Variants in ZNF341 observed in about 807,000 individuals in gnomAD.
The protein encoded by ZNF341 is zinc finger protein 341.
Under a neutral mutation model 87.7 loss-of-function variants are expected in ZNF341, and 52 were observed. The observed-to-expected ratio is 0.59, with a 90% CI of 0.47 to 0.75. The LOEUF is 0.75. Among genes scored for constraint, ZNF341 ranks in the 30% least tolerant of loss-of-function variants. ZNF341 has a pLI of 0.00. For missense variants in ZNF341, 977 were observed against 1,145.9 expected (o/e 0.85, Z 2.13); for synonymous variants, 459 against 472.7 (o/e 0.97, Z 0.38).
chr20:33,767,025 A>G lies in ZNF341; in HGVS notation c.1397A>G (p.Gln466Arg). The G allele has an allele frequency of 6.2e-7, 1 of 1,613,474 alleles. No individual in the cohort carries two copies. The highest frequency in any genetic ancestry group is 8.5e-7 in the Non-Finnish European group (1 of 1,179,614). ...TTCCAGCTCAAGTCTCACATGACCC[A>G]GCATAAGAATGAGCAGGTAGGTGGA... ...TYFQLKSHMTQHKNEQVYKCV... is the reference protein window; with the variant it reads ...TYFQLKSHMTRHKNEQVYKCV... Residue 466 changes from glutamine to arginine, a missense_variant, in exon 9 of 15, where the codon CAG becomes CGG. Coordinates refer to ENST00000375200, the MANE Select transcript of ZNF341 (RefSeq NM_001282933.2).
chr20:33,748,838 G>A (rs1170869509), intron 3 of ZNF341, 85 bp from the exon 4 acceptor site: 13 of 1,375,746 alleles, frequency 9.4e-6, no homozygotes, highest in Non-Finnish European at 1.3e-5. Context: ...AGCCTGACAT[G>A]TCCACACATG....
chr20:33,765,884 T>G (rs974654977), intron 8 of ZNF341, among the ~76,000 whole-genome samples: 1 of 151,734 alleles, frequency 6.6e-6, no homozygotes, highest in East Asian at 2.0e-4. Flanking sequence ...TTACAATTTT[T>G]TTTGTTTGTT....
At chr20:33,752,250 G>A (rs1417829465) in intron 4 of ZNF341, 1 of 588,470 alleles carries the variant, frequency 1.7e-6, no homozygotes, top group Admixed American at 1.9e-5. Context: ...AGCTTATTTG[G>A]TGGATCTTCA....
chr20:33,784,960 C>T (rs138413415), intron 12 of ZNF341, among the ~76,000 whole-genome samples: 1 of 152,188 alleles, frequency 6.6e-6, no homozygotes. Context: ...GGGGACACTG[C>T]TCTCACTGTA....
chr20:33,771,171 G>A (rs1469843580), intron 10 of ZNF341, among the ~76,000 whole-genome samples: 1 of 152,048 alleles, frequency 6.6e-6, no homozygotes, highest in Admixed American at 6.6e-5. Context: ...TAAAAGCAAA[G>A]ATCATAAAAA....
At chr20:33,777,322 CAAAAAA>C (rs71192713) in intron 10 of ZNF341, among the ~76,000 whole-genome samples, 1 of 32,670 alleles carries the variant, frequency 3.1e-5, no homozygotes, top group South Asian at 1.3e-3. Context: ...GACCCTATCT[CAAAAAA>C]AAAAAAAAAA....
chr20:33,749,808 AGTGGT>A (rs1396976589), intron 4 of ZNF341, among the ~76,000 whole-genome samples: 1 of 150,672 alleles, frequency 6.6e-6, no homozygotes, highest in Non-Finnish European at 1.5e-5. Context: ...GCTGAAGTGC[AGTGGT>A]GCGATCTTGG....
chr20:33,763,180 T>G (rs762197171), intron 8 of ZNF341, among the ~76,000 whole-genome samples: 3 of 152,206 alleles, frequency 2.0e-5, no homozygotes, highest in African/African-American at 4.8e-5. Context: ...TTACATTCAT[T>G]TAAAAAATTT....
intron 4 of ZNF341, among the ~76,000 whole-genome samples, chr20:33,751,493 G>A (rs944591273): frequency 1.3e-5 from 2 of 152,162 alleles, no homozygotes; most frequent in Non-Finnish European, 2.9e-5. Context: ...CTGCAGCAGT[G>A]AAGTCTAGCA....
At chr20:33,769,855 G>A (rs1204667327) in intron 9 of ZNF341, among the ~76,000 whole-genome samples, 3 of 152,196 alleles carry the variant, frequency 2.0e-5, no homozygotes, top group Non-Finnish European at 4.4e-5. Context: ...AGGTTGCAGT[G>A]AGCCGAGATT....
chr20:33,769,354 G>A (rs1023870508), intron 9 of ZNF341, among the ~76,000 whole-genome samples: 14 of 146,446 alleles, frequency 9.6e-5, no homozygotes, highest in Non-Finnish European at 1.5e-4. Flanking sequence ...CAGGGCCAGG[G>A]AGGGGGTGAA....
chr20:33,753,733 A>G (rs2019110494), intron 5 of ZNF341, among the ~76,000 whole-genome samples: 1 of 152,238 alleles, frequency 6.6e-6, no homozygotes, highest in Non-Finnish European at 1.5e-5. Context: ...GGCAAAAAAA[A>G]GAAAAAAGAT....
In ZNF341 at chr20:33,748,958, GA is replaced by G; in HGVS notation, c.376del (p.Ile126SerfsTer11). On this transcript the variant is annotated frameshift_variant, in exon 4 of 15. Transcript: ENST00000375200. LOFTEE classifies it high-confidence loss of function. ...TYITVPPSPL[I>X]QTLVQGNILV... is the part of the protein sequence containing the mutation. ...ACATCACAGTGCCCCCGTCCCCACT[GA>G]TCCAGACCCTGGTGCAGGGGAACAT... 3.1e-6 allele frequency: 5 copies of G among 1,614,128 alleles called. No individual in the cohort carries two copies. Among genetic ancestry groups the G allele is most frequent in the Non-Finnish European group, 4.2e-6 (5 of 1,180,012 alleles).
intron 12 of ZNF341, among the ~76,000 whole-genome samples, chr20:33,786,913 A>G (rs2019876838): frequency 6.6e-6 from 1 of 150,956 alleles, no homozygotes; most frequent in African/African-American, 2.4e-5. Flanking sequence ...GGTTGCAGTG[A>G]GCCAAGATCA....
rs2020020439 is a variant in ZNF341 at position 33,791,255 on chromosome 20, C to T, written c.2303C>T (p.Pro768Leu). ...GGGCGCAAGGTGCTGACCCCCTTGC[C>T]TGACCCGCTGGGGCTGGAGGAGCTG... is the stretch of plus-strand genomic sequence containing the variant. ...SGGRKVLTPLPDPLGLEELKD... is the reference protein window; with the variant it reads ...SGGRKVLTPLLDPLGLEELKD... The change falls in exon 15 of 15, where the codon CCT becomes CTT. Residue 768 changes from proline (P) to leucine (L), a missense_variant. By Grantham distance (98) the Pro-to-Leu change is moderately conservative (BLOSUM62 -3). Coordinates refer to ENST00000375200, the MANE Select transcript of ZNF341 (RefSeq NM_001282933.2). The T allele has an allele frequency of 1.2e-6, 2 of 1,611,954 alleles. No homozygotes were observed. The highest frequency in any genetic ancestry group is 2.2e-5 in the East Asian group (1 of 44,874).
chr20:33,733,385 C>T (rs2018618843), intron 1 of ZNF341, among the ~76,000 whole-genome samples: 1 of 149,140 alleles, frequency 6.7e-6, no homozygotes, highest in African/African-American at 2.6e-5. Flanking sequence ...TCCGCCACCA[C>T]GCCCGGCTAA....
chr20:33,774,434 A>G (rs2019591344), intron 10 of ZNF341, among the ~76,000 whole-genome samples: 1 of 152,246 alleles, frequency 6.6e-6, no homozygotes, highest in Admixed American at 6.5e-5. Flanking sequence ...AGAGATCGCC[A>G]CTGCACTATT....
chr20:33,738,004 G>T (rs1192450522), intron 1 of ZNF341, among the ~76,000 whole-genome samples: 2 of 151,868 alleles, frequency 1.3e-5, no homozygotes, highest in African/African-American at 2.4e-5. Flanking sequence ...AGGCATGGGG[G>T]CGTGTGCCTA....
rs1308663929 is a variant in ZNF341 at position 33,732,068 on chromosome 20, GC to G, written c.31+18del. ...GCCCTGGAGGGTGAGCGGCGGCGGG[GC>G]CGGCGGAGGCGGCTGTTCCGCGCTG... On this transcript the variant is annotated intron_variant, in intron 1 of 14. Coordinates refer to ENST00000375200, the MANE Select transcript of ZNF341 (RefSeq NM_001282933.2). This position sits in a 1 kb window ranked among gnomAD's most constrained non-coding sequence, Gnocchi z 4.5. The G allele has an allele frequency of 4.7e-6, 6 of 1,267,194 alleles. No individual in the cohort carries two copies. The highest frequency in any genetic ancestry group is 6.0e-6 in the Non-Finnish European group (6 of 1,001,528). 78.5% of individuals were successfully genotyped at this position (1,267,194 alleles called of 1,614,324 possible).
Sources: gnomAD v4.1 joint callset for allele counts (sites outside exome capture counted in the v4.1 genomes callset) on GRCh38, gnomAD v4.1.1 for gene constraint, Gnocchi (gnomAD v3.1) non-coding constraint, MANE v1.5 for transcripts, NCBI Gene and HGNC (gene_info 2026-07-23, HGNC 2026-07-21) for gene names.